POLE: variants seen among roughly 807,000 people sequenced by gnomAD.
The protein encoded by POLE is DNA polymerase epsilon, catalytic subunit, also known as DNA polymerase epsilon catalytic subunit A.
In POLE, 188 loss-of-function variants were observed where a neutral mutation model predicts 279.2. That is an observed-to-expected ratio of 0.67 (90% CI 0.60 to 0.76). The LOEUF (loss-of-function observed/expected upper bound fraction) is 0.76, where lower values mean the gene tolerates loss of function less well. POLE is among the 30% of genes least tolerant of loss of function. The pLI is 0.00. For missense variants in POLE, 2,703 were observed against 3,016.7 expected (o/e 0.90, Z 2.44); for synonymous variants, 1,214 against 1,172.5 (o/e 1.04, Z -0.72).
chr12:132,657,000 G>A (rs1256051091), intron 29 of POLE, 136 bp downstream of exon 29: 2 of 886,586 alleles, frequency 2.3e-6, no homozygotes, highest in Non-Finnish European at 3.5e-6. Context: ...AGTGCCAATG[G>A]GCACATTTTC....
intron 32 of POLE, 22 bp from the exon 33 acceptor site, chr12:132,643,999 T>A (rs2138563053): frequency 1.2e-6 from 2 of 1,607,744 alleles, no homozygotes; most frequent in Non-Finnish European, 1.7e-6. Context: ...ACGACGATGA[T>A]CTCGTCACTG....
chr12:132,682,492 TAAATA>T (rs1267944082), intron 1 of POLE, among the ~76,000 whole-genome samples: 10 of 149,932 alleles, frequency 6.7e-5, no homozygotes, highest in African/African-American at 1.7e-4. Flanking sequence ...CTCAAAAAAA[TAAATA>T]AAATAAAATA....
Position 132,648,692 on chromosome 12 carries a change from G to A in POLE, c.4149+237C>T, listed in dbSNP as rs5744909. On this transcript the variant is annotated intron_variant, in intron 32 of 48. Transcript: ENST00000320574. ...AACCAATGCCACTTGGTTTGTCCCCGCAACATGGACCTCGCGGGCAGACAA... is the reference window on the plus strand; with the variant it reads ...AACCAATGCCACTTGGTTTGTCCCCACAACATGGACCTCGCGGGCAGACAA... The A allele has an allele frequency of 5.7e-3, 2,536 of 444,328 alleles. 58 individuals are homozygous for A. Among genetic ancestry groups the A allele is most frequent in the African/African-American group, 0.044 (2,237 of 50,486 alleles). The allele number at this position is 444,328 out of a possible 1,614,324, so 27.5% of individuals were successfully genotyped here. A position where few individuals can be genotyped will look rare whatever the true frequency, so the allele number is the denominator to read the frequency against.
rs149296223 is a variant in POLE at position 132,672,273 on chromosome 12, C to T, written c.1736G>A (p.Arg579His). 18 of 1,614,072 alleles carry T rather than the reference C, an allele frequency of 1.1e-5. No homozygotes were observed. Among genetic ancestry groups the T allele is most frequent in the African/African-American group, 4.0e-5 (3 of 74,930 alleles). Residue 579 changes from arginine to histidine, a missense_variant, in exon 16 of 49, where the codon CGC becomes CAC. By Grantham distance (29) the Arg-to-His change is conservative. Coordinates refer to ENST00000320574, the MANE Select transcript of POLE (RefSeq NM_006231.4). The part of the protein sequence containing the change: ...FLLQRVEKTL[R>H]HALEEEEKVP... ...TTTCTCCTCTTCCTCAAGGGCGTGG[C>T]GCAAGGTCTTCTCAACCCGCTGCAG... is the stretch of plus-strand genomic sequence containing the variant.
At position 132,665,328 on chromosome 12, in the gene POLE, G is replaced by C; in HGVS notation, c.2442C>G (p.Ser814=). ...LQLAHKCILN[S]FYGYVMRKGA... ...CCTTGCGCATGACATAGCCATAGAA[G>C]GAGTTCAGGATGCACTTGTGGGCCA... Residue 814 remains serine (S), a synonymous_variant, in exon 21 of 49, where the codon TCC becomes TCG. Transcript: ENST00000320574. 6.2e-7 allele frequency: 1 copy of C among 1,613,926 alleles called. No homozygotes were observed. The highest frequency in any genetic ancestry group is 8.5e-7 in the Non-Finnish European group (1 of 1,179,972).
intron 16 of POLE, among the ~76,000 whole-genome samples, chr12:132,671,368 C>A (rs1383174165): frequency 6.6e-6 from 1 of 150,692 alleles, no homozygotes; most frequent in Non-Finnish European, 1.5e-5. Flanking sequence ...TGCACAGTGC[C>A]TGACATAAAG....
intron 32 of POLE, among the ~76,000 whole-genome samples, chr12:132,644,561 A>C (rs141300504): frequency 5.9e-4 from 90 of 152,216 alleles, no homozygotes; most frequent in African/African-American, 2.1e-3. Flanking sequence ...ATCTTCCTCC[A>C]TTCTCTCATG....
chr12:132,644,045 G>A (rs2042219925), intron 32 of POLE, 68 bp from the exon 33 acceptor site: 2 of 1,523,308 alleles, frequency 1.3e-6, no homozygotes, highest in South Asian at 1.2e-5. Context: ...CACACACAAA[G>A]CACACGCTAT....
At chr12:132,643,037 AG>A in intron 35 of POLE, 41 bp from the exon 36 acceptor site, 1 of 1,551,754 alleles carries the variant, frequency 6.4e-7, no homozygotes, top group Non-Finnish European at 8.7e-7. Flanking sequence ...CCTGCGCAGG[AG>A]GAAGTGGGGG....
At position 132,680,031 on chromosome 12, in the gene POLE, C is replaced by T. The variant is rs1593086019; in HGVS notation, c.346G>A (p.Val116Ile). 2 of 1,613,804 alleles carry T rather than the reference C, an allele frequency of 1.2e-6. No individual in the cohort carries two copies. Among genetic ancestry groups the T allele is most frequent in the African/African-American group, 1.3e-5 (1 of 74,928 alleles). ...AACTTCTTGGAGAGAAAAGATGAAA[C>T]TTCTCGCTCACAACCCTAATCAGGA... ...IATRKGCERE[V>I]SSFLSKKFQG... Residue 116 changes from valine to isoleucine, a missense_variant, in exon 5 of 49, where the codon GTT becomes ATT. By Grantham distance (29) the Val-to-Ile change is conservative. This residue lies in a region of POLE where 1,011 missense variants were observed against 1,111.7 expected (regional missense o/e 0.91). Transcript: ENST00000320574.
chr12:132,638,112 CCCCA>C lies in POLE; in HGVS notation c.5576_5579del (p.Leu1859ArgfsTer44). ...TGAAGTTGGCGTAGATGACTGATGA[CCCCA>C]GGCGCTTGAACTCAGCGATGAGCCT... On this transcript the variant is annotated frameshift_variant, in exon 41 of 49. Coordinates refer to ENST00000320574, the MANE Select transcript of POLE (RefSeq NM_006231.4). LOFTEE classifies it high-confidence loss of function. 6.2e-7 allele frequency: 1 copy of C among 1,613,840 alleles called. No individual in the cohort carries two copies. The highest frequency in any genetic ancestry group is 8.5e-7 in the Non-Finnish European group (1 of 1,179,946).
chr12:132,638,686 G>A (rs916939933), intron 40 of POLE: 8 of 179,948 alleles, frequency 4.4e-5, no homozygotes, highest in Admixed American at 2.7e-4. Flanking sequence ...AGAGGGCTAC[G>A]CCCCAGCAAT....
chr12:132,625,662 A>G lies in POLE; in HGVS notation c.6640T>C (p.Phe2214Leu). 6.2e-7 allele frequency: 1 copy of G among 1,613,724 alleles called. No individual in the cohort carries two copies. The highest frequency in any genetic ancestry group is 8.5e-7 in the Non-Finnish European group (1 of 1,180,020). Reference sequence around the variant, plus strand: ...CGACTCACCAGGTCCTGCAGGGTGAAGGCCATCAGCTTCTTCTGTAGAACT... The same window carrying G: ...CGACTCACCAGGTCCTGCAGGGTGAGGGCCATCAGCTTCTTCTGTAGAACT... The part of the protein sequence containing the change: ...VEVLQKKLMA[F>L]TLQDLVCLKC... The change falls in exon 47 of 49, where the codon TTC (phenylalanine) becomes CTC (leucine). Residue 2214 changes from phenylalanine to leucine, a missense_variant. Around this residue, in one of 5 missense-constraint regions of POLE, gnomAD observed 1,551 missense variants for 1,686.1 expected, o/e 0.92. Coordinates refer to ENST00000320574, the MANE Select transcript of POLE (RefSeq NM_006231.4).
chr12:132,631,759 C>A (rs5745037), intron 45 of POLE, among the ~76,000 whole-genome samples: 63 of 152,308 alleles, frequency 4.1e-4, no homozygotes, highest in African/African-American at 1.5e-3. Context: ...TCCGGTGACC[C>A]ATCCTCCCAG....
rs753727691 is a variant in POLE, at chr12:132,626,355, G to A, written c.6331-38C>T. ...CAGCCCACATCGGGAAGGAGCTCCCGGGGCCTCCCTGCTGCTCTGTCTGGA... is the reference window on the plus strand; with the variant it reads ...CAGCCCACATCGGGAAGGAGCTCCCAGGGCCTCCCTGCTGCTCTGTCTGGA... On this transcript the variant is annotated intron_variant, in intron 45 of 48. Coordinates refer to ENST00000320574, the MANE Select transcript of POLE (RefSeq NM_006231.4). The A allele has an allele frequency of 7.5e-6, 12 of 1,597,736 alleles. No individual in the cohort carries two copies. In the African/African-American group the frequency reaches 9.4e-5, roughly 12 times the overall value.
intron 41 of POLE, among the ~76,000 whole-genome samples, chr12:132,636,349 C>T (rs1040244732): frequency 6.7e-6 from 1 of 150,176 alleles, no homozygotes; most frequent in Non-Finnish European, 1.5e-5. Context: ...CTTCCCACTG[C>T]CAAGCTCTTT....
chr12:132,656,115 A>G (rs1012366749), intron 29 of POLE, among the ~76,000 whole-genome samples: 3 of 151,908 alleles, frequency 2.0e-5, no homozygotes, highest in Non-Finnish European at 4.4e-5. Flanking sequence ...AATAAAAATT[A>G]GCTAGGCATG....
At chr12:132,658,074 T>G in intron 26 of POLE, 104 bp from the exon 27 acceptor site, 2 of 762,362 alleles carry the variant, frequency 2.6e-6, no homozygotes, top group Non-Finnish European at 4.6e-6. Flanking sequence ...GTGTAACAGC[T>G]GTTCACAAAC....
At chr12:132,674,960 G>A (rs1017609810) in intron 12 of POLE, among the ~76,000 whole-genome samples, 1 of 150,888 alleles carries the variant, frequency 6.6e-6, no homozygotes, top group African/African-American at 2.4e-5. Flanking sequence ...AACCAGTCAT[G>A]TCAGAGCCCC....
Sources: gnomAD v4.1 joint callset for allele counts (sites outside exome capture counted in the v4.1 genomes callset) on GRCh38, gnomAD v4.1.1 for gene constraint, gnomAD v4.1.1 regional missense constraint, MANE v1.5 for transcripts, NCBI Gene and HGNC (gene_info 2026-07-23, HGNC 2026-07-21) for gene names.